SVOPL: variants seen among roughly 807,000 people sequenced by gnomAD.
SVOPL encodes putative transporter SVOPL.
A neutral mutation model predicts 61.0 loss-of-function variants in SVOPL; 60 were observed. The ratio of observed to expected loss-of-function variants is 0.98; its 90% CI spans 0.80 to 1.22. The LOEUF (loss-of-function observed/expected upper bound fraction) is 1.22. Among genes scored for constraint, SVOPL ranks in the 50% most tolerant of loss-of-function variants. The probability of loss-of-function intolerance (pLI) is 0.00; values close to 1 mark genes in which losing one functional copy is unlikely to be tolerated. For missense variants in SVOPL, 662 were observed against 643.9 expected, an observed-to-expected ratio of 1.03 and a Z score of -0.30; for synonymous variants, 279 against 250.0, an observed-to-expected ratio of 1.12 and a Z score of -1.09.
At chr7:138,634,146 G>A (rs1341120019) in intron 9 of SVOPL, among the ~76,000 whole-genome samples, 13 of 152,142 alleles carry the variant, frequency 8.5e-5, no homozygotes, top group Admixed American at 2.0e-4. Context: ...CTGCCTTGGC[G>A]GTGATGCCAT....
In SVOPL at chr7:138,621,126, T is replaced by C; in HGVS notation, c.1273A>G (p.Thr425Ala). The C allele has an allele frequency of 6.2e-7, 1 of 1,613,522 alleles. No individual in the cohort carries two copies. The change falls in exon 14 of 16, where the codon ACC becomes GCC. Residue 425 changes from threonine to alanine, a missense_variant. By Grantham distance (58) the Thr-to-Ala change is moderately conservative (BLOSUM62 0). Coordinates refer to ENST00000674285, the MANE Select transcript of SVOPL (RefSeq NM_001139456.2). ...VYIYTAEVYP[T>A]TMRALGMGTS... ...CCCATCCCCAAAGCGCGCATCGTGGTGGGGTAGACCTGCAGGGAGAGGCAC... is the reference window on the plus strand; with the variant it reads ...CCCATCCCCAAAGCGCGCATCGTGGCGGGGTAGACCTGCAGGGAGAGGCAC...
intron 9 of SVOPL, among the ~76,000 whole-genome samples, chr7:138,638,631 AC>A (rs765221356): frequency 1.0e-4 from 14 of 139,454 alleles, no homozygotes; most frequent in Non-Finnish European, 1.9e-4. Flanking sequence ...TTATAAAAAA[AC>A]AAAATAAACT....
intron 5 of SVOPL, chr7:138,662,097 A>G: frequency 1.0e-6 from 1 of 985,428 alleles, no homozygotes; most frequent in Non-Finnish European, 1.2e-6. Context: ...GCTTCTTTAT[A>G]AACTCTCTCA....
chr7:138,605,464 T>C (rs1439811972), intron 14 of SVOPL, among the ~76,000 whole-genome samples: 1 of 151,880 alleles, frequency 6.6e-6, no homozygotes, highest in African/African-American at 2.4e-5. Context: ...GAGCTTGAGA[T>C]CAGCCTGGCC....
intron 14 of SVOPL, among the ~76,000 whole-genome samples, chr7:138,601,047 C>G (rs1012528546): frequency 6.6e-5 from 10 of 151,602 alleles, no homozygotes; most frequent in African/African-American, 1.2e-4. Context: ...GTCAGGAGAT[C>G]GAGACCATCC....
At chr7:138,676,946 A>ATCC (rs201172020) in intron 3 of SVOPL, among the ~76,000 whole-genome samples, 43,292 of 142,580 alleles carry the variant, frequency 0.3, 6,932 homozygotes, top group Middle Eastern at 0.46. Context: ...CTCTGTCATC[A>ATCC]GGGCTGGAGT....
chr7:138,686,561 GGTT>G (rs144767024), intron 1 of SVOPL, among the ~76,000 whole-genome samples: 3,551 of 131,196 alleles, frequency 0.027, 102 homozygotes, highest in South Asian at 0.09. Flanking sequence ...TTGTTTTTTG[GGTT>G]TTTTTTTTTT....
In SVOPL at chr7:138,653,979, A is replaced by G. The variant is rs190711345; in HGVS notation, c.534+2469T>C. 8.0e-3 allele frequency among the ~76,000 whole-genome samples: 1,216 copies of G among 151,578 alleles called. 14 individuals carry two copies. Among genetic ancestry groups the G allele is most frequent in the South Asian group, 0.028 (134 of 4,776 alleles). Reference sequence around the variant, plus strand: ...GAAAAGAAAAGAAAAGAAAAAATACAAAAGTTAGCTGGGTGTGGTGGTGCA... The same window carrying G: ...GAAAAGAAAAGAAAAGAAAAAATACGAAAGTTAGCTGGGTGTGGTGGTGCA... On this transcript the variant is annotated intron_variant, in intron 7 of 15. Coordinates refer to ENST00000674285, the MANE Select transcript of SVOPL (RefSeq NM_001139456.2).
chr7:138,595,244 T>A (rs764133398), intron 15 of SVOPL, among the ~76,000 whole-genome samples: 2 of 152,228 alleles, frequency 1.3e-5, no homozygotes, highest in Non-Finnish European at 2.9e-5. Context: ...GCCATGTTCT[T>A]ATAAACATTT....
intron 6 of SVOPL, 108 bp downstream of exon 6, chr7:138,659,756 G>T: frequency 1.8e-6 from 2 of 1,103,594 alleles, no homozygotes; most frequent in Non-Finnish European, 1.3e-6. Context: ...ACCTGTCTCA[G>T]ATATGTTGGG....
intron 14 of SVOPL, among the ~76,000 whole-genome samples, chr7:138,611,513 T>C (rs549789612): frequency 2.8e-4 from 42 of 152,350 alleles, no homozygotes; most frequent in Middle Eastern, 3.4e-3. Context: ...TCATGGCTTA[T>C]TGGAAATCAC....
At chr7:138,598,869 G>T (rs1212210881) in intron 14 of SVOPL, among the ~76,000 whole-genome samples, 2 of 151,876 alleles carry the variant, frequency 1.3e-5, no homozygotes, top group Non-Finnish European at 2.9e-5. Flanking sequence ...CAGTTCTTAG[G>T]CAAATACAAT....
chr7:138,656,840 C>T (rs546777579), intron 6 of SVOPL, among the ~76,000 whole-genome samples: 9 of 152,068 alleles, frequency 5.9e-5, no homozygotes, highest in South Asian at 4.2e-4. Flanking sequence ...GTCAGGAGTT[C>T]GAGACCAGCC....
chr7:138,603,954 TC>T (rs1032948964), intron 14 of SVOPL, among the ~76,000 whole-genome samples: 2 of 148,010 alleles, frequency 1.4e-5, no homozygotes, highest in Non-Finnish European at 3.0e-5. Context: ...CTTAATTTAT[TC>T]TTTTTTTTTT....
chr7:138,663,391 G>A (rs1282339717), intron 4 of SVOPL: 16 of 1,379,794 alleles, frequency 1.2e-5, no homozygotes, highest in Admixed American at 3.1e-5. Context: ...TCTGCCGCCC[G>A]CTTGTTGCTA....
At chr7:138,653,665 G>A (rs908626088) in intron 7 of SVOPL, among the ~76,000 whole-genome samples, 10 of 152,148 alleles carry the variant, frequency 6.6e-5, no homozygotes, top group African/African-American at 2.4e-4. Flanking sequence ...GGCCGGGCAT[G>A]GCGGCTCAGC....
At position 138,628,340 on chromosome 7, in the gene SVOPL, T is replaced by C. The variant is rs1297915999; in HGVS notation, c.887A>G (p.Tyr296Cys). Reference sequence around the variant, plus strand: ...CTCAGCACTGGCCAGGATAACCCCATAGTAGGCAAAAGAGATTCCAAGCCT... The same window carrying C: ...CTCAGCACTGGCCAGGATAACCCCACAGTAGGCAAAAGAGATTCCAAGCCT... ...VIWLGISFAYYGVILASAELL... is the reference protein window; with the variant it reads ...VIWLGISFAYCGVILASAELL... Residue 296 changes from tyrosine to cysteine, a missense_variant, in exon 11 of 16, where the codon TAT becomes TGT. By Grantham distance (194) the Tyr-to-Cys change is radical. Transcript: ENST00000674285. 1.2e-6 allele frequency: 2 copies of C among 1,613,674 alleles called. No individual in the cohort carries two copies. The highest frequency in any genetic ancestry group is 1.1e-5 in the South Asian group (1 of 91,058).
At chr7:138,692,063 C>T (rs1332247564) in intron 1 of SVOPL, among the ~76,000 whole-genome samples, 1 of 151,956 alleles carries the variant, frequency 6.6e-6, no homozygotes, top group Non-Finnish European at 1.5e-5. Flanking sequence ...AGTGAATCAG[C>T]ACTTTGGGAG....
At chr7:138,632,341 G>C (rs548929635) in intron 9 of SVOPL, among the ~76,000 whole-genome samples, 2 of 152,236 alleles carry the variant, frequency 1.3e-5, no homozygotes, top group East Asian at 3.9e-4. Context: ...GGCTGAGGCA[G>C]GAGACTCGCT....
Sources: gnomAD v4.1 joint callset for allele counts (sites outside exome capture counted in the v4.1 genomes callset) on GRCh38, gnomAD v4.1.1 for gene constraint, MANE v1.5 for transcripts, NCBI Gene and HGNC (gene_info 2026-07-23, HGNC 2026-07-21) for gene names.